The following THSD4 variants were observed in gnomAD, a reference collection of about 807,000 sequenced individuals.
The protein encoded by THSD4 is thrombospondin type-1 domain-containing protein 4.
A neutral mutation model predicts 119.0 loss-of-function variants in THSD4; 69 were observed. The ratio of observed to expected loss-of-function variants is 0.58; its 90% CI spans 0.48 to 0.71. The LOEUF (loss-of-function observed/expected upper bound fraction) is 0.71, where lower values mean the gene tolerates loss of function less well. Among genes scored for constraint, THSD4 ranks in the 30% least tolerant of loss-of-function variants. The pLI, the probability that THSD4 is intolerant of heterozygous loss-of-function variation, is 0.00. For missense variants in THSD4, 1,393 were observed against 1,391.1 expected, an observed-to-expected ratio of 1.00 and a Z score of -0.02; for synonymous variants, 524 against 540.4, an observed-to-expected ratio of 0.97 and a Z score of 0.42.
At chr15:71,119,004 G>A (rs1275178783) in intron 1 of THSD4, among the ~76,000 whole-genome samples, 1 of 152,132 alleles carries the variant, frequency 6.6e-6, no homozygotes, top group Non-Finnish European at 1.5e-5. Context: ...CCACAGCCTC[G>A]CTGGCTTGTT....
intron 4 of THSD4, among the ~76,000 whole-genome samples, chr15:71,221,771 G>C (rs1030019866): frequency 1.2e-4 from 19 of 152,160 alleles, no homozygotes; most frequent in African/African-American, 4.3e-4. Context: ...GTGGAAATTG[G>C]GAAGTGGAAT....
chr15:71,275,376 TCA>T (rs1316989654), intron 6 of THSD4, among the ~76,000 whole-genome samples: 1 of 152,220 alleles, frequency 6.6e-6, no homozygotes, highest in African/African-American at 2.4e-5. Flanking sequence ...CACAGTTCTC[TCA>T]CTCTCCGAGC....
At chr15:71,640,838 G>A (rs548837584) in intron 7 of THSD4, among the ~76,000 whole-genome samples, 7 of 152,276 alleles carry the variant, frequency 4.6e-5, no homozygotes, top group Non-Finnish European at 1.0e-4. Flanking sequence ...AGCCCATTGA[G>A]AGCAGGGATG....
intron 7 of THSD4, among the ~76,000 whole-genome samples, chr15:71,596,804 A>G (rs1301994557): frequency 6.6e-6 from 1 of 152,212 alleles, no homozygotes; most frequent in East Asian, 1.9e-4. Flanking sequence ...CAGCAGAAGC[A>G]TGTAGCAGCA....
chr15:71,586,616 C>T (rs945477954), intron 7 of THSD4, among the ~76,000 whole-genome samples: 3 of 152,122 alleles, frequency 2.0e-5, no homozygotes, highest in African/African-American at 7.2e-5. Flanking sequence ...AAACCTGTGA[C>T]CAGAAAGAGA....
chr15:71,226,789 G>C (rs867402233), intron 4 of THSD4, among the ~76,000 whole-genome samples: 2 of 152,158 alleles, frequency 1.3e-5, no homozygotes, highest in Non-Finnish European at 2.9e-5. Flanking sequence ...GAAATCTTTG[G>C]CCTTATCTGT....
At chr15:71,648,635 A>C (rs1314693848) in intron 7 of THSD4, among the ~76,000 whole-genome samples, 1 of 152,224 alleles carries the variant, frequency 6.6e-6, no homozygotes, top group Non-Finnish European at 1.5e-5. Flanking sequence ...AGATTGTGAC[A>C]GTTTACCTGT....
At chr15:71,497,560 C>T (rs1343659317) in intron 7 of THSD4, among the ~76,000 whole-genome samples, 2 of 151,822 alleles carry the variant, frequency 1.3e-5, no homozygotes, top group Non-Finnish European at 1.5e-5. Flanking sequence ...TATATATACA[C>T]ATACATATAA....
At chr15:71,148,783 G>A (rs2040690663) in intron 2 of THSD4, among the ~76,000 whole-genome samples, 1 of 152,192 alleles carries the variant, frequency 6.6e-6, no homozygotes, top group Non-Finnish European at 1.5e-5. Context: ...GCAGCACAGT[G>A]GTTAAGAGTC....
chr15:71,440,343 T>A (rs1217441786), intron 7 of THSD4, among the ~76,000 whole-genome samples: 1 of 152,222 alleles, frequency 6.6e-6, no homozygotes, highest in Non-Finnish European at 1.5e-5. Flanking sequence ...GAGTTTCAAG[T>A]CAGTTTCTAA....
intron 7 of THSD4, among the ~76,000 whole-genome samples, chr15:71,564,912 A>G (rs117559575): frequency 0.013 from 1,989 of 151,498 alleles, 22 homozygotes; most frequent in Non-Finnish European, 0.021. Context: ...ACATGAATAT[A>G]TCCAGGACAA....
chr15:71,660,571 G>C lies in THSD4; in HGVS notation c.1194G>C (p.Val398=). ...ACTACTTAGGCTCCGACAAAGTCGT[G>C]GACAAATGTGGGGTGTGTGGAGGAG... ...CDDYLGSDKV[V]DKCGVCGGDN... Residue 398 remains valine, a synonymous_variant, in exon 8 of 18, where the codon GTG becomes GTC. Transcript: ENST00000261862. 1 of 1,614,152 alleles carries C rather than the reference G, an allele frequency of 6.2e-7. No homozygotes were observed. The highest frequency in any genetic ancestry group is 8.5e-7 in the Non-Finnish European group (1 of 1,180,020).
At chr15:71,569,110 A>G (rs2049299228) in intron 7 of THSD4, among the ~76,000 whole-genome samples, 1 of 152,380 alleles carries the variant, frequency 6.6e-6, no homozygotes. Context: ...CATCCAGGGT[A>G]AAATGTGGCC....
At chr15:71,727,622 A>ACACACAC in intron 8 of THSD4, among the ~76,000 whole-genome samples, 1 of 126,152 alleles carries the variant, frequency 7.9e-6, no homozygotes, top group African/African-American at 3.0e-5. Context: ...ACACACACAC[A>ACACACAC]AGCCAGGCAT....
In THSD4 at chr15:71,509,869, T is replaced by A. The variant is rs556730658; in HGVS notation, c.1152+98046T>A. Among the ~76,000 whole-genome samples the A allele has an allele frequency of 2.6e-5, 4 of 152,360 alleles. No individual in the cohort carries two copies. The South Asian group carries it at 8.3e-4, about 32-fold the overall frequency. On this transcript the variant is annotated intron_variant, in intron 7 of 17. Transcript: ENST00000261862. ...CAACTGGTTTATTTAGATTGAATGA[T>A]GAAAACATTTAAATCTGGTTGTTGT...
At chr15:71,773,766 C>T (rs1043887250) in intron 17 of THSD4, among the ~76,000 whole-genome samples, 3 of 152,192 alleles carry the variant, frequency 2.0e-5, no homozygotes, top group East Asian at 1.9e-4. Flanking sequence ...TTTGATGATG[C>T]TGCTGAAGAA....
intron 3 of THSD4, among the ~76,000 whole-genome samples, chr15:71,171,341 TCTCTGC>T (rs1385109340): frequency 6.6e-6 from 1 of 152,204 alleles, no homozygotes; most frequent in Non-Finnish European, 1.5e-5. Context: ...GACAGTAGAT[TCTCTGC>T]CTCCTGTCAT....
At chr15:71,684,402 T>A (rs2051862663) in intron 8 of THSD4, among the ~76,000 whole-genome samples, 1 of 152,170 alleles carries the variant, frequency 6.6e-6, no homozygotes, top group Admixed American at 6.5e-5. Flanking sequence ...TTAATGTGAA[T>A]GCTCCTAATT....
At chr15:71,116,765 T>G (rs1234359444) in intron 1 of THSD4, among the ~76,000 whole-genome samples, 1 of 152,072 alleles carries the variant, frequency 6.6e-6, no homozygotes, top group African/African-American at 2.4e-5. Context: ...AGTCTGAAGA[T>G]TTTTCAAGGA....
Sources: allele counts gnomAD v4.1 joint callset (sites outside exome capture counted in the v4.1 genomes callset), GRCh38; gene constraint gnomAD v4.1.1; transcripts MANE v1.5; gene names NCBI Gene and HGNC (gene_info 2026-07-23, HGNC 2026-07-21).